Variants in GATA4 observed in about 807,000 individuals in gnomAD.
GATA4 encodes the protein GATA binding protein 4.
In GATA4, 7 loss-of-function variants were observed where a neutral mutation model predicts 37.9. The ratio of observed to expected loss-of-function variants is 0.18; its 90% CI spans 0.11 to 0.35. The LOEUF is 0.35. Among genes scored for constraint, GATA4 ranks in the 10% least tolerant of loss-of-function variants. GATA4 has a pLI of 1.00. For synonymous variants in GATA4, 372 were observed against 292.6 expected (o/e 1.27, Z -2.77); for missense variants, 647 against 653.0 (o/e 0.99, Z 0.10).
intron 2 of GATA4, among the ~76,000 whole-genome samples, chr8:11,726,045 AATT>A (rs1357785776): frequency 6.6e-6 from 1 of 152,202 alleles, no homozygotes; most frequent in Non-Finnish European, 1.5e-5. Flanking sequence ...TCAGGGCAAG[AATT>A]ATGCCACATT....
At chr8:11,744,066 G>A (rs889082006) in intron 2 of GATA4, among the ~76,000 whole-genome samples, 1 of 152,164 alleles carries the variant, frequency 6.6e-6, no homozygotes, top group Non-Finnish European at 1.5e-5. Context: ...CTGTCAGTTG[G>A]TTCCTGGCTT....
intron 2 of GATA4, among the ~76,000 whole-genome samples, chr8:11,740,457 G>A (rs1319610754): frequency 1.3e-5 from 2 of 152,212 alleles, no homozygotes; most frequent in East Asian, 1.9e-4. Context: ...GGAGAACCTT[G>A]TCCCAGGTTT....
intron 1 of GATA4, chr8:11,683,024 T>A: frequency 1.0e-6 from 1 of 980,620 alleles, no homozygotes. Context: ...GGAAACAGCC[T>A]CGGTGCGCGG....
chr8:11,734,395 G>A (rs938796981), intron 2 of GATA4, among the ~76,000 whole-genome samples: 21 of 152,244 alleles, frequency 1.4e-4, no homozygotes, highest in African/African-American at 5.1e-4. Flanking sequence ...GCAGATTGGT[G>A]TCTGGTGAGA....
At chr8:11,682,980 G>C in intron 1 of GATA4, 1 of 799,544 alleles carries the variant, frequency 1.3e-6, no homozygotes, top group Non-Finnish European at 1.5e-6. Flanking sequence ...CAAGATACTG[G>C]GTTCAGAGAA....
chr8:11,751,576 C>A (rs866531793), intron 4 of GATA4, among the ~76,000 whole-genome samples: 37 of 152,266 alleles, frequency 2.4e-4, no homozygotes, highest in Admixed American at 3.9e-4. Flanking sequence ...AAAACCAAAC[C>A]AAACCAGAAA....
At chr8:11,743,434 C>T (rs1323216784) in intron 2 of GATA4, among the ~76,000 whole-genome samples, 1 of 152,224 alleles carries the variant, frequency 6.6e-6, no homozygotes, top group Admixed American at 6.5e-5. Context: ...ACCAGCTCTC[C>T]CCAGCAGGTG....
chr8:11,734,044 G>A (rs974958526), intron 2 of GATA4, among the ~76,000 whole-genome samples: 2 of 152,310 alleles, frequency 1.3e-5, no homozygotes, highest in East Asian at 3.9e-4. Context: ...CAGCTGACAT[G>A]TAATGTGAAC....
intron 2 of GATA4, among the ~76,000 whole-genome samples, chr8:11,733,674 T>G (rs1047573729): frequency 6.6e-6 from 1 of 152,254 alleles, no homozygotes; most frequent in Non-Finnish European, 1.5e-5. Flanking sequence ...TGTGCTGATA[T>G]GGAAAAATGT....
At chr8:11,683,691 T>G (rs1799049932) in intron 1 of GATA4, among the ~76,000 whole-genome samples, 1 of 152,272 alleles carries the variant, frequency 6.6e-6, no homozygotes, top group East Asian at 1.9e-4. Flanking sequence ...GGACCCTAAA[T>G]CAACTATTTC....
At chr8:11,757,228 C>A in intron 6 of GATA4, 145 bp downstream of exon 6, 2 of 1,291,140 alleles carry the variant, frequency 1.5e-6, no homozygotes, top group Non-Finnish European at 2.1e-6. Flanking sequence ...GAAGACCCAG[C>A]CATTGAGCTG....
chr8:11,709,556 G>A lies in GATA4; in HGVS notation c.616+628G>A, dbSNP rs1221796551. Among the ~76,000 whole-genome samples, 1 of 143,718 alleles carries A rather than the reference G, an allele frequency of 7.0e-6. No homozygotes were observed. Among genetic ancestry groups the A allele is most frequent in the East Asian group, 2.1e-4 (1 of 4,836 alleles). The allele number at this position is 143,718 out of a possible 152,430, so 94.3% of individuals were successfully genotyped here. ...GCGGGTGCCACCCGGCCGAGCGCGT[G>A]GGCGCATCATGCGGGCAGCGGGGGG... On this transcript the variant is annotated intron_variant, in intron 2 of 6. Coordinates refer to ENST00000532059, the MANE Select transcript of GATA4 (RefSeq NM_001308093.3). The surrounding 1 kb of genome is among the most constrained non-coding windows in gnomAD (Gnocchi z 4.3).
At chr8:11,713,122 A>G (rs534451436) in intron 2 of GATA4, among the ~76,000 whole-genome samples, 1 of 152,278 alleles carries the variant, frequency 6.6e-6, no homozygotes, top group East Asian at 1.9e-4. Context: ...GGTTATGTGA[A>G]TAGGGCAAAA....
chr8:11,743,922 G>C (rs1277594618), intron 2 of GATA4, among the ~76,000 whole-genome samples: 3 of 152,202 alleles, frequency 2.0e-5, no homozygotes, highest in Non-Finnish European at 4.4e-5. Context: ...GGGAGGAAGT[G>C]AAGAGTGAGA....
chr8:11,755,370 C>T (rs530514945), intron 5 of GATA4, among the ~76,000 whole-genome samples: 34 of 152,312 alleles, frequency 2.2e-4, no homozygotes, highest in South Asian at 6.2e-4. Flanking sequence ...TGATCATTGC[C>T]GACTGCAAAG....
At chr8:11,751,673 C>T (rs965713663) in intron 4 of GATA4, among the ~76,000 whole-genome samples, 1 of 152,222 alleles carries the variant, frequency 6.6e-6, no homozygotes, top group African/African-American at 2.4e-5. Context: ...ACTGACATCT[C>T]ACAGAAGCTG....
chr8:11,750,352 A>G, intron 4 of GATA4, 116 bp downstream of exon 4: 1 of 1,415,050 alleles, frequency 7.1e-7, no homozygotes, highest in Non-Finnish European at 9.7e-7. Flanking sequence ...AAAGAGACTT[A>G]GATTTGGAAG....
At chr8:11,678,038 AT>A (rs1798838466) in intron 1 of GATA4, among the ~76,000 whole-genome samples, 2 of 149,018 alleles carry the variant, frequency 1.3e-5, no homozygotes, top group African/African-American at 4.9e-5. Flanking sequence ...AATAATAATA[AT>A]AATAATAATA....
chr8:11,683,431 G>GT (rs77330007), intron 1 of GATA4, among the ~76,000 whole-genome samples: 15,566 of 151,986 alleles, frequency 0.1, 861 homozygotes, highest in Middle Eastern at 0.17. Flanking sequence ...TGGAGGTATC[G>GT]TTTTTTTTCT....
Sources: allele counts gnomAD v4.1 joint callset (sites outside exome capture counted in the v4.1 genomes callset), GRCh38; gene constraint gnomAD v4.1.1; non-coding constraint Gnocchi (gnomAD v3.1); transcripts MANE v1.5; gene names NCBI Gene and HGNC (gene_info 2026-07-23, HGNC 2026-07-21).